Variants in HNF4G observed in about 807,000 individuals in gnomAD.
HNF4G encodes the protein hepatocyte nuclear factor 4-gamma.
A neutral mutation model predicts 50.9 loss-of-function variants in HNF4G; 21 were observed. That is an observed-to-expected ratio of 0.41 (90% CI 0.29 to 0.59). HNF4G has a LOEUF of 0.59. Ranked by LOEUF, HNF4G falls within the 20% of genes least tolerant of loss-of-function variation. The probability of loss-of-function intolerance (pLI) is 0.26; values close to 1 mark genes in which losing one functional copy is unlikely to be tolerated. For synonymous variants in HNF4G, 198 were observed against 185.6 expected (o/e 1.07, Z -0.54); for missense variants, 527 against 559.4 (o/e 0.94, Z 0.58).
At chr8:75,469,909 A>G (rs1812073792) in intron 1 of HNF4G, among the ~76,000 whole-genome samples, 2 of 152,106 alleles carry the variant, frequency 1.3e-5, no homozygotes, top group African/African-American at 4.8e-5. Context: ...CTGGATCCAG[A>G]GGCATCTTAT....
chr8:75,530,412 G>A (rs1806297379), intron 2 of HNF4G, among the ~76,000 whole-genome samples: 1 of 139,388 alleles, frequency 7.2e-6, no homozygotes. Flanking sequence ...ATATGAAGGT[G>A]AATAGATCCA....
At chr8:75,440,971 C>T (rs1811266523) in intron 1 of HNF4G, among the ~76,000 whole-genome samples, 2 of 152,116 alleles carry the variant, frequency 1.3e-5, no homozygotes, top group African/African-American at 4.8e-5. Flanking sequence ...GATCCTTCCA[C>T]CTTAACCTGA....
At chr8:75,512,310 T>C (rs1805775842) in intron 2 of HNF4G, among the ~76,000 whole-genome samples, 1 of 151,884 alleles carries the variant, frequency 6.6e-6, no homozygotes, top group African/African-American at 2.4e-5. Context: ...TAATTATTAA[T>C]GATTGGTTTA....
At chr8:75,507,347 C>T (rs938067283) in intron 2 of HNF4G, among the ~76,000 whole-genome samples, 1 of 151,622 alleles carries the variant, frequency 6.6e-6, no homozygotes, top group South Asian at 2.1e-4. Flanking sequence ...GCAACCTCCA[C>T]CTCATGGGTT....
chr8:75,530,463 C>A (rs1343093126), intron 2 of HNF4G, among the ~76,000 whole-genome samples: 3 of 151,472 alleles, frequency 2.0e-5, no homozygotes, highest in Admixed American at 2.0e-4. Context: ...GGAAACCCAG[C>A]AGCCAGAGAA....
Position 75,547,664 on chromosome 8 carries a change from C to A in HNF4G, c.365C>A (p.Ala122Glu). ...TGTCGATTAAGAAAGTGTTTTAGAG[C>A]GGGAATGAAAAAAGAAGGTAATAAT... ...RYCRLRKCFR[A>E]GMKKEAVQNE... Residue 122 changes from alanine to glutamate, a missense_variant, in exon 3 of 10, where the codon GCG (alanine) becomes GAG (glutamate). Ala to Glu is a moderately radical substitution (Grantham distance 107). Around this residue, in one of 5 missense-constraint regions of HNF4G, gnomAD observed 128 missense variants for 135.3 expected, o/e 0.95. Coordinates refer to ENST00000396423, the MANE Select transcript of HNF4G (RefSeq NM_004133.5). The A allele has an allele frequency of 6.3e-7, 1 of 1,595,724 alleles. No individual in the cohort carries two copies. Among genetic ancestry groups the A allele is most frequent in the Non-Finnish European group, 8.6e-7 (1 of 1,164,108 alleles).
Position 75,504,261 on chromosome 8 carries a change from AC to A in HNF4G, c.-24+14054del, listed in dbSNP as rs1563532190. On this transcript the variant is annotated intron_variant, in intron 2 of 10. Coordinates refer to the HNF4G transcript ENST00000354370. ...CACACACACACACACACACACACAC[AC>A]ACACACACACACACCAAAAACAACA... 1.0e-2 allele frequency among the ~76,000 whole-genome samples: 1,500 copies of A among 150,352 alleles called. 9 individuals are homozygous for A. Among genetic ancestry groups the A allele is most frequent in the African/African-American group, 0.014 (582 of 40,260 alleles).
chr8:75,420,143 T>C (rs1226034249), intron 1 of HNF4G, among the ~76,000 whole-genome samples: 1 of 152,222 alleles, frequency 6.6e-6, no homozygotes, highest in Non-Finnish European at 1.5e-5. Flanking sequence ...TTACACATCT[T>C]ATCTAATTCA....
At chr8:75,418,266 A>C (rs1195714908) in intron 1 of HNF4G, among the ~76,000 whole-genome samples, 1 of 152,044 alleles carries the variant, frequency 6.6e-6, no homozygotes, top group Admixed American at 6.6e-5. Flanking sequence ...ATGAGGGCCC[A>C]CCAACTTGAC....
intron 1 of HNF4G, among the ~76,000 whole-genome samples, chr8:75,447,372 G>T (rs1811446652): frequency 8.6e-6 from 1 of 115,862 alleles, no homozygotes; most frequent in Non-Finnish European, 1.8e-5. Context: ...ATAGGCATGG[G>T]CAAGGACTTC....
chr8:75,552,703 C>A (rs1177473801), intron 4 of HNF4G, among the ~76,000 whole-genome samples: 1 of 152,048 alleles, frequency 6.6e-6, no homozygotes, highest in Non-Finnish European at 1.5e-5. Context: ...TGGATACTAT[C>A]TATCTATTTT....
At chr8:75,458,395 T>G (rs1811772911) in intron 1 of HNF4G, among the ~76,000 whole-genome samples, 1 of 148,986 alleles carries the variant, frequency 6.7e-6, no homozygotes, top group Admixed American at 6.7e-5. Flanking sequence ...TTTTTTTACT[T>G]CTAAGGAAGA....
intron 2 of HNF4G, among the ~76,000 whole-genome samples, chr8:75,506,340 A>C (rs1813079647): frequency 1.3e-5 from 2 of 152,232 alleles, no homozygotes; most frequent in South Asian, 4.2e-4. Context: ...CAGATTTAGT[A>C]ATTATTAAAT....
At chr8:75,450,104 G>A (rs1446029223) in intron 1 of HNF4G, among the ~76,000 whole-genome samples, 1 of 152,134 alleles carries the variant, frequency 6.6e-6, no homozygotes, top group African/African-American at 2.4e-5. Context: ...TGTGATCTGT[G>A]ACAGATGTCT....
intron 2 of HNF4G, among the ~76,000 whole-genome samples, chr8:75,524,877 T>C (rs1432300450): frequency 6.6e-6 from 1 of 152,226 alleles, no homozygotes; most frequent in Non-Finnish European, 1.5e-5. Context: ...AGAATAATTA[T>C]GCCAAAATAA....
At chr8:75,486,805 A>G (rs945862641) in intron 1 of HNF4G, among the ~76,000 whole-genome samples, 1 of 152,052 alleles carries the variant, frequency 6.6e-6, no homozygotes, top group African/African-American at 2.4e-5. Flanking sequence ...GGAGTTTGAG[A>G]CCACCCGGGC....
intron 1 of HNF4G, among the ~76,000 whole-genome samples, chr8:75,418,722 CTTTTTTTTT>C (rs560295179): frequency 9.1e-6 from 1 of 109,394 alleles, no homozygotes; most frequent in East Asian, 2.4e-4. Context: ...CTCTCTCTCT[CTTTTTTTTT>C]TTTTTTTTTT....
chr8:75,463,058 G>GTTTTTTTTTTT (rs1219575361), intron 1 of HNF4G, among the ~76,000 whole-genome samples: 1 of 131,034 alleles, frequency 7.6e-6, no homozygotes, highest in African/African-American at 3.0e-5. Flanking sequence ...ATGTCTGCTT[G>GTTTTTTTTTTT]TTTTTTTGTT....
chr8:75,477,978 AAAG>A lies in HNF4G; in HGVS notation c.-143-12108_-143-12106del, dbSNP rs540590802. On this transcript the variant is annotated intron_variant, in intron 1 of 10. Transcript: ENST00000354370. ...GCGAAACTCCGTTCAAAAAAAGAAAAAAGAAAAAAAATTATGATGCATTAGCTT... is the reference window on the plus strand; with the variant it reads ...GCGAAACTCCGTTCAAAAAAAGAAAAAAAAAAAATTATGATGCATTAGCTT... Among the ~76,000 whole-genome samples the A allele has an allele frequency of 4.1e-3, 616 of 151,800 alleles. 1 individual carries two copies. Among genetic ancestry groups the A allele is most frequent in the African/African-American group, 0.014 (580 of 41,338 alleles).
Sources: gnomAD v4.1 joint callset for allele counts (sites outside exome capture counted in the v4.1 genomes callset) on GRCh38, gnomAD v4.1.1 for gene constraint, gnomAD v4.1.1 regional missense constraint, MANE v1.5 for transcripts, NCBI Gene and HGNC (gene_info 2026-07-23, HGNC 2026-07-21) for gene names.